The following FBXO27 variants were observed in gnomAD, a reference collection of about 807,000 sequenced individuals.
FBXO27 encodes the protein F-box only protein 27.
Under a neutral mutation model 28.3 loss-of-function variants are expected in FBXO27, and 28 were observed. That is an observed-to-expected ratio of 0.99 (90% CI 0.73 to 1.36). FBXO27 has a LOEUF of 1.36. FBXO27 is among the 40% of genes most tolerant of loss of function. FBXO27 has a pLI of 0.00. For missense variants in FBXO27, 388 were observed against 394.1 expected (o/e 0.98, Z 0.13); for synonymous variants, 175 against 167.3 (o/e 1.05, Z -0.36).
At chr19:39,009,212 C>T (rs1373513055) in intron 2 of FBXO27, among the ~76,000 whole-genome samples, 1 of 152,154 alleles carries the variant, frequency 6.6e-6, no homozygotes, top group Non-Finnish European at 1.5e-5. Flanking sequence ...TTGCTTGTTT[C>T]CACTCTTTGT....
chr19:39,018,705 G>A (rs1160345991), intron 1 of FBXO27, among the ~76,000 whole-genome samples: 2 of 152,156 alleles, frequency 1.3e-5, no homozygotes, highest in Non-Finnish European at 2.9e-5. Context: ...TGAAATTCCC[G>A]AAGTGGTCAC....
At chr19:39,012,068 C>T (rs1177417442) in intron 2 of FBXO27, among the ~76,000 whole-genome samples, 5 of 151,638 alleles carry the variant, frequency 3.3e-5, no homozygotes, top group Non-Finnish European at 5.9e-5. Context: ...CTCCTGACCT[C>T]GTGATCCGCC....
chr19:39,022,995 G>A (rs2144894254), downstream of FBXO27, among the ~76,000 whole-genome samples: 1 of 152,066 alleles, frequency 6.6e-6, no homozygotes, highest in Admixed American at 6.6e-5. Flanking sequence ...AGTAGAGATG[G>A]GGTTTCGCCA....
At chr19:39,015,547 A>G (rs1281089678) in intron 1 of FBXO27, among the ~76,000 whole-genome samples, 1 of 151,908 alleles carries the variant, frequency 6.6e-6, no homozygotes, top group Non-Finnish European at 1.5e-5. Context: ...GGCTCGCTTG[A>G]GCCCAGGAGT....
intron 2 of FBXO27, among the ~76,000 whole-genome samples, chr19:39,012,969 AAACAAACAAACAAACG>A (rs1002550623): frequency 5.6e-5 from 7 of 124,908 alleles, no homozygotes; most frequent in Admixed American, 3.9e-4. Flanking sequence ...CAAAACAAAC[AAACAAACAAACAAACG>A]AACAAACAAA....
chr19:39,018,074 G>A (rs930165592), intron 1 of FBXO27, among the ~76,000 whole-genome samples: 20 of 152,194 alleles, frequency 1.3e-4, no homozygotes, highest in South Asian at 1.2e-3. Flanking sequence ...TCCACCTCCC[G>A]GGTTCAAGCA....
rs756336243 is a variant in FBXO27, at chr19:39,031,831, C to A, written c.364+33G>T. 2.1e-6 allele frequency: 3 copies of A among 1,452,538 alleles called. No homozygotes were observed. In the African/African-American group the frequency reaches 4.4e-5, roughly 21 times the overall value. 90.0% of individuals were successfully genotyped at this position (1,452,538 alleles called of 1,614,324 possible). On this transcript the variant is annotated intron_variant, in intron 2 of 5. Transcript: ENST00000292853. ...CCCCGCTACCGCTCCCACTGTGGCC[C>A]AGCATCCTGGACTTCCTCTTCCGAG...
intron 2 of FBXO27, among the ~76,000 whole-genome samples, chr19:39,007,835 G>C (rs1479851825): frequency 6.6e-6 from 1 of 152,076 alleles, no homozygotes; most frequent in Admixed American, 6.6e-5. Context: ...TAGAGATGGA[G>C]TTTCCCTATG....
At chr19:39,027,129 G>A in intron 4 of FBXO27, 124 bp from the exon 5 acceptor site, 2 of 1,208,158 alleles carry the variant, frequency 1.7e-6, no homozygotes, top group South Asian at 2.9e-5. Flanking sequence ...CTCCTGGGAG[G>A]TGATCTCTGG....
At position 39,032,534 on chromosome 19, in the gene FBXO27, G is replaced by A; in HGVS notation, c.-58C>T. 1 of 333,084 alleles carries A rather than the reference G, an allele frequency of 3.0e-6. No individual in the cohort carries two copies. The highest frequency in any genetic ancestry group is 5.5e-6 in the Non-Finnish European group (1 of 183,288). The allele number at this position is 333,084 out of a possible 1,614,324, so 20.6% of individuals were successfully genotyped here. On this transcript the variant is annotated 5_prime_UTR_variant, in exon 1 of 6. Transcript: ENST00000292853. The surrounding 1 kb of genome is among the most constrained non-coding windows in gnomAD (Gnocchi z 4.7). ...GCCTGGCGGCGCTCCTCGCCGGGAT[G>A]CCCTAGCTGTGCCGCAAGCTCCCCA...
chr19:39,022,782 A>G (rs1295698042), downstream of FBXO27, among the ~76,000 whole-genome samples: 1 of 151,638 alleles, frequency 6.6e-6, no homozygotes, highest in Non-Finnish European at 1.5e-5. Flanking sequence ...ACGACTGGCT[A>G]ATTTGCATTT....
intron 2 of FBXO27, among the ~76,000 whole-genome samples, chr19:39,008,536 T>C (rs561303080): frequency 6.6e-6 from 1 of 152,300 alleles, no homozygotes; most frequent in African/African-American, 2.4e-5. Flanking sequence ...ATTTTAGCCA[T>C]TTAAAAATGT....
intron 4 of FBXO27, chr19:39,030,464 A>G (rs1421951132): frequency 6.5e-6 from 1 of 153,492 alleles, no homozygotes; most frequent in African/African-American, 2.4e-5. Flanking sequence ...TCATTCACAG[A>G]CAAGACTGAG....
intron 1 of FBXO27, among the ~76,000 whole-genome samples, chr19:39,016,160 T>A (rs898264003): frequency 3.9e-5 from 6 of 152,144 alleles, no homozygotes; most frequent in Non-Finnish European, 7.4e-5. Context: ...CACAGAGGAC[T>A]TTTAGGGCAG....
At chr19:39,031,830 C>A in intron 2 of FBXO27, 34 bp downstream of exon 2, 1 of 1,451,650 alleles carries the variant, frequency 6.9e-7, no homozygotes, top group Non-Finnish European at 9.0e-7. Flanking sequence ...CCACTGTGGC[C>A]CAGCATCCTG....
chr19:39,032,450 C>T lies in FBXO27; in HGVS notation c.-27+53G>A. 1.7e-6 allele frequency: 1 copy of T among 577,588 alleles called. No homozygotes were observed. The highest frequency in any genetic ancestry group is 3.1e-5 in the South Asian group (1 of 31,834). 35.8% of individuals were successfully genotyped at this position (577,588 alleles called of 1,614,324 possible). ...CGGTCTGTGTGTATGCCCCGAATTG[C>T]ATGCAATCAGCCCCCCTCGGCGGCC... On this transcript the variant is annotated intron_variant, in intron 1 of 5. Transcript: ENST00000292853. The surrounding 1 kb of genome is among the most constrained non-coding windows in gnomAD (Gnocchi z 4.7).
downstream of FBXO27, among the ~76,000 whole-genome samples, chr19:39,023,296 AGG>A (rs1370202757): frequency 6.6e-6 from 1 of 152,176 alleles, no homozygotes; most frequent in Non-Finnish European, 1.5e-5. Flanking sequence ...AGCCACATGG[AGG>A]GCCAACTGTG....
chr19:39,011,831 T>TC (rs971799685), intron 2 of FBXO27, among the ~76,000 whole-genome samples: 13 of 139,790 alleles, frequency 9.3e-5, no homozygotes, highest in Non-Finnish European at 1.8e-4. Context: ...TCTTTTCTTT[T>TC]TTTTTTTTTT....
chr19:39,019,674 G>A (rs947004058), downstream of FBXO27, among the ~76,000 whole-genome samples: 13 of 152,066 alleles, frequency 8.5e-5, no homozygotes, highest in African/African-American at 3.1e-4. Flanking sequence ...GGCAGCAGAT[G>A]GGTTCCCAGG....
Sources: allele counts gnomAD v4.1 joint callset (sites outside exome capture counted in the v4.1 genomes callset), GRCh38; gene constraint gnomAD v4.1.1; non-coding constraint Gnocchi (gnomAD v3.1); transcripts MANE v1.5; gene names NCBI Gene and HGNC (gene_info 2026-07-23, HGNC 2026-07-21).